The following THSD4 variants were observed in gnomAD, a reference collection of about 807,000 sequenced individuals.
The protein encoded by THSD4 is thrombospondin type-1 domain-containing protein 4.
Under a neutral mutation model 119.0 loss-of-function variants are expected in THSD4, and 69 were observed. The observed-to-expected ratio is 0.58, with a 90% CI of 0.48 to 0.71. The LOEUF is 0.71. THSD4 is among the 30% of genes least tolerant of loss of function. THSD4 has a pLI of 0.00. For missense variants in THSD4, 1,393 were observed against 1,391.1 expected, an observed-to-expected ratio of 1.00 and a Z score of -0.02; for synonymous variants, 524 against 540.4, an observed-to-expected ratio of 0.97 and a Z score of 0.42.
chr15:71,387,967 G>C (rs2046316480), intron 6 of THSD4, among the ~76,000 whole-genome samples: 2 of 152,238 alleles, frequency 1.3e-5, no homozygotes, highest in South Asian at 4.1e-4. Context: ...CCTCAACCCA[G>C]AGCTATTTAA....
intron 7 of THSD4, among the ~76,000 whole-genome samples, chr15:71,425,817 C>G (rs902120596): frequency 5.3e-5 from 8 of 152,138 alleles, no homozygotes; most frequent in African/African-American, 1.9e-4. Context: ...TCATTTGGGA[C>G]CTGGGATAGG....
intron 17 of THSD4, among the ~76,000 whole-genome samples, chr15:71,774,519 A>C (rs8042337): frequency 0.49 from 73,786 of 151,986 alleles, 20,550 homozygotes; most frequent in Non-Finnish European, 0.62. Context: ...TTTTGAAGAG[A>C]ATTTTATCAA....
intron 3 of THSD4, among the ~76,000 whole-genome samples, chr15:71,180,160 A>G (rs2043497726): frequency 1.9e-4 from 5 of 26,054 alleles, no homozygotes; most frequent in East Asian, 0.023. Flanking sequence ...AAACATTAAA[A>G]AAAAAAAAAA....
intron 7 of THSD4, among the ~76,000 whole-genome samples, chr15:71,506,478 A>G (rs1391188021): frequency 1.3e-5 from 2 of 152,174 alleles, no homozygotes; most frequent in Non-Finnish European, 2.9e-5. Context: ...TCTACCCCGT[A>G]AGGCCCATGC....
chr15:71,396,381 T>C (rs1596399375), intron 6 of THSD4, among the ~76,000 whole-genome samples: 3 of 152,204 alleles, frequency 2.0e-5, no homozygotes, highest in South Asian at 2.1e-4. Flanking sequence ...AGTCAAGCCG[T>C]CCTCCCCTGG....
In THSD4 at chr15:71,611,884, A is replaced by AG. The variant is rs397704406; in HGVS notation, c.1153-48646_1153-48645insG. Among the ~76,000 whole-genome samples, 4 of 149,620 alleles carry AG rather than the reference A, an allele frequency of 2.7e-5. No homozygotes were observed. The East Asian group carries it at 7.9e-4, about 30-fold the overall frequency. Reference sequence around the variant, plus strand: ...CCTGGGGTTGCTGGATGAGGATGTAATGGTGGGGAGGGGAGGATGGGAAAT... The same window carrying AG: ...CCTGGGGTTGCTGGATGAGGATGTAAGTGGTGGGGAGGGGAGGATGGGAAAT... On this transcript the variant is annotated intron_variant, in intron 7 of 17. Transcript: ENST00000261862.
chr15:71,516,973 T>C (rs550589369), intron 7 of THSD4, among the ~76,000 whole-genome samples: 3 of 152,336 alleles, frequency 2.0e-5, no homozygotes, highest in East Asian at 3.9e-4. Flanking sequence ...GGCTGCCATA[T>C]TGGGCAGGGC....
chr15:71,742,604 G>A (rs1271667293), intron 11 of THSD4, among the ~76,000 whole-genome samples: 3 of 152,318 alleles, frequency 2.0e-5, no homozygotes, highest in East Asian at 1.9e-4. Context: ...AGCCCAGCCA[G>A]TGCCTGACCT....
At chr15:71,109,151 T>C (rs2040287046) in intron 1 of THSD4, among the ~76,000 whole-genome samples, 1 of 152,194 alleles carries the variant, frequency 6.6e-6, no homozygotes. Context: ...GAACACCTAA[T>C]ACCAGAGGAA....
At chr15:71,756,108 G>C (rs781614992) in intron 14 of THSD4, among the ~76,000 whole-genome samples, 1 of 152,224 alleles carries the variant, frequency 6.6e-6, no homozygotes, top group Non-Finnish European at 1.5e-5. Context: ...TGTGACTTCT[G>C]TTAGGAATGG....
At chr15:71,459,091 C>A (rs188131204) in intron 7 of THSD4, among the ~76,000 whole-genome samples, 2 of 151,900 alleles carry the variant, frequency 1.3e-5, no homozygotes, top group Non-Finnish European at 2.9e-5. Context: ...ACAGCTTTCT[C>A]ATGAATTCCT....
chr15:71,598,356 T>A (rs79391040), intron 7 of THSD4, among the ~76,000 whole-genome samples: 2,580 of 152,252 alleles, frequency 0.017, 81 homozygotes, highest in African/African-American at 0.057. Flanking sequence ...GACACATCCC[T>A]GAGGCCATGA....
rs200169944 is a variant in THSD4 at position 71,737,822 on chromosome 15, G to C, written c.1721G>C (p.Arg574Pro). 4 of 1,614,142 alleles carry C rather than the reference G, an allele frequency of 2.5e-6. No homozygotes were observed. In the South Asian group the frequency reaches 4.4e-5, roughly 18 times the overall value. ...AGGAACGAGGAGAAGGAAGACTTGCGTGGGGAGGCCCCTGAGATGTTCACC... is the reference window on the plus strand; with the variant it reads ...AGGAACGAGGAGAAGGAAGACTTGCCTGGGGAGGCCCCTGAGATGTTCACC... Reference protein sequence around the residue: ...KGRNEEKEDLRGEAPEMFTSE... With the variant: ...KGRNEEKEDLPGEAPEMFTSE... Residue 574 changes from arginine to proline, a missense_variant, in exon 11 of 18, where the codon CGT becomes CCT. Physicochemically the swap from Arg to Pro is moderately radical, Grantham distance 103. Coordinates refer to ENST00000261862, the MANE Select transcript of THSD4 (RefSeq NM_024817.3).
At chr15:71,101,725 T>A (rs145851735) in intron 1 of THSD4, among the ~76,000 whole-genome samples, 2,025 of 152,008 alleles carry the variant, frequency 0.013, 48 homozygotes, top group African/African-American at 0.043. Context: ...TTTTATTTTT[T>A]TTTTTTGAGA....
In THSD4 at chr15:71,350,920, C is replaced by G. The variant is rs1466140914; in HGVS notation, c.1016-60767C>G. Among the ~76,000 whole-genome samples the G allele has an allele frequency of 7.2e-5, 11 of 152,296 alleles. No homozygotes were observed. The South Asian group carries it at 2.3e-3, about 32-fold the overall frequency. ...CCACTGGCGGTGGCTGTTTTATTAC[C>G]TTTAAGCTGACCTGATACATGAGAC... On this transcript the variant is annotated intron_variant, in intron 6 of 17. Coordinates refer to ENST00000261862, the MANE Select transcript of THSD4 (RefSeq NM_024817.3).
chr15:71,339,867 G>A (rs939215268), intron 6 of THSD4, among the ~76,000 whole-genome samples: 1 of 151,944 alleles, frequency 6.6e-6, no homozygotes, highest in Admixed American at 6.6e-5. Flanking sequence ...TGGGTTCAAG[G>A]AATTCTCCTG....
At chr15:71,729,705 G>T (rs952879757) in intron 9 of THSD4, 3 of 152,020 alleles carry the variant, frequency 2.0e-5, no homozygotes, top group African/African-American at 7.2e-5. Context: ...GTTGTTAAAG[G>T]CCTACTGTGG....
chr15:71,212,608 T>C (rs79514683), intron 3 of THSD4, among the ~76,000 whole-genome samples: 1,912 of 152,328 alleles, frequency 0.013, 50 homozygotes, highest in African/African-American at 0.044. Flanking sequence ...AGGACAATTG[T>C]CGAAGTGGTT....
chr15:71,240,884 C>A (rs1249084207), intron 4 of THSD4, among the ~76,000 whole-genome samples: 2 of 151,602 alleles, frequency 1.3e-5, no homozygotes, highest in East Asian at 3.9e-4. Context: ...TCTCTTAAAA[C>A]CCCCATCGTT....
Sources: gnomAD v4.1 joint callset for allele counts (sites outside exome capture counted in the v4.1 genomes callset) on GRCh38, gnomAD v4.1.1 for gene constraint, MANE v1.5 for transcripts, NCBI Gene and HGNC (gene_info 2026-07-23, HGNC 2026-07-21) for gene names.